The following MAGI3 variants were observed in gnomAD, a reference collection of about 807,000 sequenced individuals.
MAGI3 encodes the protein membrane associated guanylate kinase, WW and PDZ domain containing 3.
A neutral mutation model predicts 121.8 loss-of-function variants in MAGI3; 43 were observed. That is an observed-to-expected ratio of 0.35 (90% CI 0.28 to 0.46). The LOEUF is 0.46. Among genes scored for constraint, MAGI3 ranks in the 20% least tolerant of loss-of-function variants. The probability of loss-of-function intolerance (pLI) is 1.00; values close to 1 mark genes in which losing one functional copy is unlikely to be tolerated. For synonymous variants in MAGI3, 553 were observed against 639.3 expected (o/e 0.86, Z 2.04); for missense variants, 1,547 against 1,797.3 (o/e 0.86, Z 2.52).
intron 1 of MAGI3, among the ~76,000 whole-genome samples, chr1:113,546,430 A>G (rs1476167508): frequency 2.0e-5 from 3 of 152,096 alleles, no homozygotes; most frequent in Non-Finnish European, 4.4e-5. Context: ...TCTGCCTCCC[A>G]GGTTCAAGCG....
rs555985465 is a variant in MAGI3, at chr1:113,475,465, C to T, written c.317-74050C>T. Among the ~76,000 whole-genome samples the T allele has an allele frequency of 2.0e-5, 3 of 152,066 alleles. No homozygotes were observed. In the East Asian group the frequency reaches 5.8e-4, roughly 29 times the overall value. On this transcript the variant is annotated intron_variant, in intron 1 of 20. Transcript: ENST00000307546. ...AGCATGAAGGGCTGTTGAATTTTGTCGAAGGCCTTCATCTATTGAGATAAT... is the reference window on the plus strand; with the variant it reads ...AGCATGAAGGGCTGTTGAATTTTGTTGAAGGCCTTCATCTATTGAGATAAT...
intron 6 of MAGI3, among the ~76,000 whole-genome samples, chr1:113,599,470 G>A (rs1649230779): frequency 6.6e-6 from 1 of 152,126 alleles, no homozygotes; most frequent in African/African-American, 2.4e-5. Flanking sequence ...AGAAAATCTA[G>A]AAGAAATGGA....
At chr1:113,563,672 G>C (rs949297258) in intron 2 of MAGI3, among the ~76,000 whole-genome samples, 3 of 152,154 alleles carry the variant, frequency 2.0e-5, no homozygotes, top group African/African-American at 7.2e-5. Context: ...TGGTCCCCCA[G>C]TTTTCAGCAA....
intron 1 of MAGI3, among the ~76,000 whole-genome samples, chr1:113,401,242 C>G (rs1019341169): frequency 6.6e-6 from 1 of 151,852 alleles, no homozygotes; most frequent in Non-Finnish European, 1.5e-5. Context: ...TCATTATATC[C>G]AAAAAACCTG....
intron 2 of MAGI3, 105 bp from the exon 3 acceptor site, chr1:113,580,437 A>G (rs1205795230): frequency 8.1e-6 from 8 of 987,188 alleles, no homozygotes; most frequent in Non-Finnish European, 9.9e-6. Flanking sequence ...CAGGGGAATG[A>G]AACATCTCTT....
rs34201250 is a variant in MAGI3, at chr1:113,452,456, AC to A, written c.316+61108del. On this transcript the variant is annotated intron_variant, in intron 1 of 20. Coordinates refer to ENST00000307546, the MANE Select transcript of MAGI3 (RefSeq NM_001142782.2). ...TGGATTAACTTATGTGCATAGACATACACACACACACACACACACACACACA... is the reference window on the plus strand; with the variant it reads ...TGGATTAACTTATGTGCATAGACATAACACACACACACACACACACACACA... Among the ~76,000 whole-genome samples the A allele has an allele frequency of 1.9e-4, 3 of 15,520 alleles. No individual in the cohort carries two copies. In the Non-Finnish European group the frequency reaches 6.4e-3, roughly 33 times the overall value. The allele number at this position is 15,520 out of a possible 152,430, so 10.2% of individuals were successfully genotyped here.
intron 9 of MAGI3, among the ~76,000 whole-genome samples, chr1:113,625,634 C>G (rs771847005): frequency 6.6e-6 from 1 of 152,118 alleles, no homozygotes; most frequent in Non-Finnish European, 1.5e-5. Context: ...ATCCCATCAT[C>G]TGCAAACAAG....
At chr1:113,556,805 A>G (rs1174547579) in intron 2 of MAGI3, among the ~76,000 whole-genome samples, 2 of 152,054 alleles carry the variant, frequency 1.3e-5, no homozygotes, top group East Asian at 1.9e-4. Flanking sequence ...AGCTCAAGCG[A>G]TCCTCTGGCC....
At chr1:113,538,074 A>G (rs1036646716) in intron 1 of MAGI3, among the ~76,000 whole-genome samples, 1 of 152,236 alleles carries the variant, frequency 6.6e-6, no homozygotes, top group Non-Finnish European at 1.5e-5. Flanking sequence ...AAAGAAAACT[A>G]TTAAATTGTT....
At chr1:113,451,798 A>G (rs1379141942) in intron 1 of MAGI3, among the ~76,000 whole-genome samples, 1 of 152,218 alleles carries the variant, frequency 6.6e-6, no homozygotes, top group African/African-American at 2.4e-5. Context: ...CATGTTTTCT[A>G]GAAAAGGTAA....
At chr1:113,575,744 C>T (rs1294212111) in intron 2 of MAGI3, among the ~76,000 whole-genome samples, 2 of 152,222 alleles carry the variant, frequency 1.3e-5, no homozygotes, top group Non-Finnish European at 2.9e-5. Flanking sequence ...CTGCTCTCTT[C>T]AGAGTCGGCA....
intron 1 of MAGI3, among the ~76,000 whole-genome samples, chr1:113,428,321 G>T (rs1024359845): frequency 2.0e-5 from 3 of 152,142 alleles, no homozygotes; most frequent in Non-Finnish European, 2.9e-5. Context: ...TATTTATTAT[G>T]TGAGGGCTCA....
chr1:113,619,157 T>C (rs1284628640), intron 7 of MAGI3, among the ~76,000 whole-genome samples: 1 of 152,212 alleles, frequency 6.6e-6, no homozygotes, highest in African/African-American at 2.4e-5. Context: ...TATGTTATAA[T>C]TATTCATTTA....
At chr1:113,665,296 C>T (rs945631963) in intron 16 of MAGI3, among the ~76,000 whole-genome samples, 5 of 152,024 alleles carry the variant, frequency 3.3e-5, no homozygotes, top group African/African-American at 9.7e-5. Flanking sequence ...ATCAACTTCC[C>T]CTTTAAACAT....
At chr1:113,676,839 G>A (rs1647898174) in intron 19 of MAGI3, among the ~76,000 whole-genome samples, 1 of 151,986 alleles carries the variant, frequency 6.6e-6, no homozygotes. Context: ...CGTATCTCCA[G>A]CACCTGATAT....
At position 113,681,350 on chromosome 1, in the gene MAGI3, C is replaced by A; in HGVS notation, c.3328+14C>A. 6.2e-7 allele frequency: 1 copy of A among 1,609,080 alleles called. No individual in the cohort carries two copies. The highest frequency in any genetic ancestry group is 1.3e-5 in the African/African-American group (1 of 74,686). ...TACCTGACCATGGTAAGTAAAGTAG[C>A]CCACTAGTAGCTGAAAAGTTGTATA... On this transcript the variant is annotated intron_variant, in intron 20 of 20. Transcript: ENST00000307546.
At chr1:113,601,764 C>T (rs1296219220) in intron 6 of MAGI3, among the ~76,000 whole-genome samples, 8 of 144,852 alleles carry the variant, frequency 5.5e-5, no homozygotes, top group African/African-American at 2.1e-4. Flanking sequence ...TATAAAGACA[C>T]ATGCACAAGT....
At position 113,580,528 on chromosome 1, in the gene MAGI3, T is replaced by C; in HGVS notation, c.434-14T>C. On this transcript the variant is annotated splice_polypyrimidine_tract_variant and intron_variant, in intron 2 of 20. Coordinates refer to ENST00000307546, the MANE Select transcript of MAGI3 (RefSeq NM_001142782.2). Reference sequence around the variant, plus strand: ...AGTACTTTACAACCTACTTTTTTTTTTCTTTTTTCTTAGGCACTACAAGGG... The same window carrying C: ...AGTACTTTACAACCTACTTTTTTTTCTCTTTTTTCTTAGGCACTACAAGGG... 1.3e-6 allele frequency: 2 copies of C among 1,582,922 alleles called. No homozygotes were observed. Among genetic ancestry groups the C allele is most frequent in the Non-Finnish European group, 1.7e-6 (2 of 1,169,940 alleles).
chr1:113,400,577 A>G (rs1651348394), intron 1 of MAGI3, among the ~76,000 whole-genome samples: 1 of 152,138 alleles, frequency 6.6e-6, no homozygotes. Context: ...TTCTACTTCA[A>G]AAGCCTGTAA....
Sources: allele counts gnomAD v4.1 joint callset (sites outside exome capture counted in the v4.1 genomes callset), GRCh38; gene constraint gnomAD v4.1.1; transcripts MANE v1.5; gene names NCBI Gene and HGNC (gene_info 2026-07-23, HGNC 2026-07-21).